The following PLCH2 variants were observed in gnomAD, a reference collection of about 807,000 sequenced individuals.
PLCH2 encodes phospholipase C eta 2.
A neutral mutation model predicts 134.7 loss-of-function variants in PLCH2; 98 were observed. The observed-to-expected ratio is 0.73, with a 90% CI of 0.62 to 0.86. The LOEUF (loss-of-function observed/expected upper bound fraction) is 0.86, where lower values mean the gene tolerates loss of function less well. Ranked by LOEUF, PLCH2 falls within the 40% of genes least tolerant of loss-of-function variation. The pLI is 0.00. For synonymous variants in PLCH2, 974 were observed against 827.5 expected, an observed-to-expected ratio of 1.18 and a Z score of -3.04; for missense variants, 1,994 against 1,986.6, an observed-to-expected ratio of 1.00 and a Z score of -0.07.
chr1:2,482,010 G>C (rs1641996728), intron 4 of PLCH2, among the ~76,000 whole-genome samples: 1 of 152,286 alleles, frequency 6.6e-6, no homozygotes, highest in Non-Finnish European at 1.5e-5. Context: ...TCAAACCTAA[G>C]ATAAGGCTGG....
At chr1:2,462,787 T>G (rs4648636), upstream of PLCH2, among the ~76,000 whole-genome samples, 43,253 of 151,932 alleles carry the variant, frequency 0.28, 6,437 homozygotes, top group Admixed American at 0.38. Flanking sequence ...CTTGCCTTAC[T>G]CTGTGCTCCC....
chr1:2,462,632 C>A (rs562969694), upstream of PLCH2, among the ~76,000 whole-genome samples: 112 of 152,226 alleles, frequency 7.4e-4, 1 homozygote, highest in African/African-American at 2.5e-3. Context: ...CTCAGCCAGG[C>A]GATGTGCTCC....
chr1:2,439,578 C>T lies in PLCH2; in HGVS notation c.115+8949C>T, dbSNP rs1051729094. 6.6e-6 allele frequency among the ~76,000 whole-genome samples: 1 copy of T among 152,230 alleles called. No homozygotes were observed. The highest frequency in any genetic ancestry group is 1.5e-5 in the Non-Finnish European group (1 of 68,040). The stretch of plus-strand genomic sequence containing the variant: ...CCGATTAAGCCCATTGATTGAGTTG[C>T]GTGCACGTGCTCTCTCTGCAGTGCT... On this transcript the variant is annotated intron_variant, in intron 2 of 3. Coordinates refer to the PLCH2 transcript ENST00000609981. This position sits in a 1 kb window ranked among gnomAD's most constrained non-coding sequence, Gnocchi z 4.7.
chr1:2,456,941 G>A (rs546778247), intron 2 of PLCH2, among the ~76,000 whole-genome samples: 6 of 152,306 alleles, frequency 3.9e-5, no homozygotes, highest in South Asian at 2.1e-4. Flanking sequence ...TGTGAGGGGC[G>A]ATCCGCACCT....
Position 2,495,555 on chromosome 1 carries a change from G to A in PLCH2, c.1820G>A (p.Gly607Glu). The A allele has an allele frequency of 1.3e-6, 2 of 1,549,716 alleles. No individual in the cohort carries two copies. Among genetic ancestry groups the A allele is most frequent in the Non-Finnish European group, 1.7e-6 (2 of 1,146,216 alleles). ...GGAGATGAGGGTCAGGACTCCCCGG[G>A]AGGCCAGAGCCGAGGGTAGGTGCCC... ...EEGDEGQDSP[G>E]GQSRGATRQK... The change falls in exon 13 of 22, where the codon GGA becomes GAA. Residue 607 changes from glycine to glutamate, a missense_variant. Gly to Glu is a moderately conservative substitution (Grantham distance 98). This residue lies in a region of PLCH2 where 1,094 missense variants were observed against 1,234.3 expected (regional missense o/e 0.89). Coordinates refer to ENST00000378486, the MANE Select transcript of PLCH2 (RefSeq NM_014638.4).
upstream of PLCH2, among the ~76,000 whole-genome samples, chr1:2,474,967 C>T (rs1173624410): frequency 1.3e-5 from 2 of 152,226 alleles, no homozygotes; most frequent in Admixed American, 6.5e-5. Flanking sequence ...TCTCCTCTCC[C>T]TGCAGCTCAT....
Position 2,479,438 on chromosome 1 carries a change from G to A in PLCH2, c.272-296G>A, listed in dbSNP as rs781544910. On this transcript the variant is annotated intron_variant, in intron 2 of 21. Coordinates refer to ENST00000378486, the MANE Select transcript of PLCH2 (RefSeq NM_014638.4). ...ACGTGCTGGTTAAACGTGGAGCCCC[G>A]GGCCAGCCGGGCACTGGGGGCTGCA... The A allele has an allele frequency of 2.7e-5, 9 of 334,784 alleles. 1 individual carries two copies. Among genetic ancestry groups the A allele is most frequent in the South Asian group, 1.3e-4 (3 of 22,740 alleles). The allele number at this position is 334,784 out of a possible 1,614,324, so 20.7% of individuals were successfully genotyped here.
chr1:2,488,332 G>A (rs113939146), intron 8 of PLCH2, among the ~76,000 whole-genome samples: 1,988 of 152,292 alleles, frequency 0.013, 47 homozygotes, highest in African/African-American at 0.044. Context: ...GGGCGGGGAT[G>A]GGGGGAGGAG....
chr1:2,455,896 C>T (rs558040862), intron 2 of PLCH2, among the ~76,000 whole-genome samples: 2 of 152,318 alleles, frequency 1.3e-5, no homozygotes, highest in African/African-American at 4.8e-5. Context: ...ATCCCGCGGG[C>T]GGGCTGTGTG....
chr1:2,464,936 G>A (rs1489072877), upstream of PLCH2, among the ~76,000 whole-genome samples: 3 of 152,228 alleles, frequency 2.0e-5, no homozygotes, highest in African/African-American at 7.2e-5. Flanking sequence ...CTCTGCAGGA[G>A]GCGTTAGGGG....
upstream of PLCH2, among the ~76,000 whole-genome samples, chr1:2,463,064 G>A (rs116014396): frequency 0.012 from 1,812 of 152,332 alleles, 34 homozygotes; most frequent in African/African-American, 0.04. Flanking sequence ...GCACCGTCTC[G>A]TCATTGGAGG....
intron 11 of PLCH2, chr1:2,493,054 G>A (rs1642682552): frequency 6.6e-6 from 1 of 152,204 alleles, no homozygotes; most frequent in African/African-American, 2.4e-5. Flanking sequence ...AGGGCTGGGG[G>A]GCCTGCTGCT....
chr1:2,425,269 A>G (rs535353691), upstream of PLCH2, among the ~76,000 whole-genome samples: 19 of 143,802 alleles, frequency 1.3e-4, no homozygotes, highest in African/African-American at 5.3e-4. Flanking sequence ...ATACACACAT[A>G]TACACACACA....
In PLCH2 at chr1:2,499,142, G is replaced by T. The variant is rs1325494802; in HGVS notation, c.2493G>T (p.Ala831=). ...LVFMVHMPEI[A]LVRFLVWDHD... is the part of the protein sequence containing the mutation. ...TCATGGTGCACATGCCGGAGATCGC[G>T]CTGGTCCGCTTCCTCGTCTGGGACC... Residue 831 remains alanine (A), a synonymous_variant, in exon 19 of 22, where the codon GCG becomes GCT. Transcript: ENST00000378486. The T allele has an allele frequency of 6.2e-7, 1 of 1,612,986 alleles. No individual in the cohort carries two copies.
At chr1:2,418,356 CGGGTCTGGATGCCA>C in the PLCH2 span, among the ~76,000 whole-genome samples, 1 of 152,136 alleles carries the variant, frequency 6.6e-6, no homozygotes. Flanking sequence ...AGCTGGCTCC[CGGGTCTGGATGCCA>C]GGGTCAGGCA....
At chr1:2,442,672 T>C (rs183356940) in intron 2 of PLCH2, among the ~76,000 whole-genome samples, 184 of 152,308 alleles carry the variant, frequency 1.2e-3, no homozygotes, top group African/African-American at 4.3e-3. Context: ...ATGGTGTGGG[T>C]GCACGGGGCT....
In PLCH2 at chr1:2,479,994, A is replaced by T. The variant is rs781601441; in HGVS notation, c.515+17A>T. ...CAGGGACCAATATCCTTGGGCACCT[A>T]TCGGGCAATGCAGACCCAGGGACCG... is the stretch of plus-strand genomic sequence containing the variant. On this transcript the variant is annotated intron_variant, in intron 3 of 21. Transcript: ENST00000378486. 1.9e-6 allele frequency: 3 copies of T among 1,600,062 alleles called. No individual in the cohort carries two copies. In the Admixed American group the frequency reaches 5.0e-5, roughly 27 times the overall value.
In PLCH2 at chr1:2,498,874, G is replaced by T. The variant is rs368664444; in HGVS notation, c.2434+46G>T. 10 of 1,499,002 alleles carry T rather than the reference G, an allele frequency of 6.7e-6. No homozygotes were observed. The highest frequency in any genetic ancestry group is 4.7e-5 in the East Asian group (2 of 42,920). 92.9% of individuals were successfully genotyped at this position (1,499,002 alleles called of 1,614,324 possible). A position where few individuals can be genotyped will look rare whatever the true frequency, so the allele number is the denominator to read the frequency against. On this transcript the variant is annotated intron_variant, in intron 18 of 21. Coordinates refer to ENST00000378486, the MANE Select transcript of PLCH2 (RefSeq NM_014638.4). This position sits in a 1 kb window ranked among gnomAD's most constrained non-coding sequence, Gnocchi z 5.4. ...CGTCACACCTGTGATGGAAGTCTGA[G>T]GGGGGAGGGTTGGGGCTACCTGGTG...
At chr1:2,443,402 T>G (rs1386646216) in intron 2 of PLCH2, among the ~76,000 whole-genome samples, 2 of 152,134 alleles carry the variant, frequency 1.3e-5, no homozygotes, top group South Asian at 4.1e-4. Flanking sequence ...TGTCTTGGCT[T>G]CTTCCAGCGC....
Sources: gnomAD v4.1 joint callset for allele counts (sites outside exome capture counted in the v4.1 genomes callset) on GRCh38, gnomAD v4.1.1 for gene constraint, gnomAD v4.1.1 regional missense constraint, Gnocchi (gnomAD v3.1) non-coding constraint, MANE v1.5 for transcripts, NCBI Gene and HGNC (gene_info 2026-07-23, HGNC 2026-07-21) for gene names.